Variants in COL4A3 observed in about 807,000 individuals in gnomAD.
The protein encoded by COL4A3 is collagen type IV alpha 3 chain, also known as collagen alpha-3(IV) chain.
Under a neutral mutation model 217.4 loss-of-function variants are expected in COL4A3, and 135 were observed. The ratio of observed to expected loss-of-function variants is 0.62; its 90% CI spans 0.54 to 0.72. The LOEUF is 0.72. Among genes scored for constraint, COL4A3 ranks in the 30% least tolerant of loss-of-function variants. COL4A3 has a pLI of 0.00. For synonymous variants in COL4A3, 690 were observed against 736.3 expected, an observed-to-expected ratio of 0.94 and a Z score of 1.02; for missense variants, 1,868 against 2,119.9, an observed-to-expected ratio of 0.88 and a Z score of 2.33.
rs2125934511 is a variant in COL4A3 at position 227,254,119 on chromosome 2, A to AG, written c.778dup (p.Glu260GlyfsTer27). 1 of 1,613,866 alleles carries AG rather than the reference A, an allele frequency of 6.2e-7. No homozygotes were observed. Among genetic ancestry groups the AG allele is most frequent in the Non-Finnish European group, 8.5e-7 (1 of 1,179,820 alleles). On this transcript the variant is annotated frameshift_variant, in exon 14 of 52. Coordinates refer to ENST00000396578, the MANE Select transcript of COL4A3 (RefSeq NM_000091.5). LOFTEE classifies it high-confidence loss of function. ...GAACTGTTTCTTTGGCAGGACCTCA[A>AG]GGGGGAAAAGGGAGACAAGGGAGCA... is the stretch of plus-strand genomic sequence containing the variant.
intron 1 of COL4A3, among the ~76,000 whole-genome samples, chr2:227,200,842 CATGTTCAATTACAATGAA>C (rs1383663887): frequency 1.3e-5 from 2 of 152,176 alleles, no homozygotes; most frequent in African/African-American, 2.4e-5. Flanking sequence ...TGAACAATTA[CATGTTCAATTACAATGAA>C]ATGTTCAATT....
rs1026099781 is a variant in COL4A3 at position 227,247,410 on chromosome 2, A to T, written c.442-148A>T. ...AGACAGGACAATATGGTGGGAAGTA[A>T]AAGATTAAGGGAAGACTTTGCTTTG... On this transcript the variant is annotated intron_variant, in intron 7 of 51. Transcript: ENST00000396578. The T allele has an allele frequency of 3.8e-6, 3 of 781,624 alleles. No homozygotes were observed. The African/African-American group carries it at 5.1e-5, about 13-fold the overall frequency. The allele number at this position is 781,624 out of a possible 1,614,324, so 48.4% of individuals were successfully genotyped here. A position where few individuals can be genotyped will look rare whatever the true frequency, so the allele number is the denominator to read the frequency against.
At chr2:227,206,106 C>G (rs2067091163) in intron 1 of COL4A3, among the ~76,000 whole-genome samples, 1 of 151,918 alleles carries the variant, frequency 6.6e-6, no homozygotes, top group Non-Finnish European at 1.5e-5. Flanking sequence ...TGGAGTCTCA[C>G]TCTGTTGCCC....
At chr2:227,262,536 ATTTG>A (rs1698020675) in intron 20 of COL4A3, among the ~76,000 whole-genome samples, 1 of 152,202 alleles carries the variant, frequency 6.6e-6, no homozygotes, top group South Asian at 2.1e-4. Flanking sequence ...ATGTCTTTCC[ATTTG>A]TTTGTGTGCT....
rs1210443645 is a variant in COL4A3, at chr2:227,310,790, T to C, written c.4770T>C (p.Gly1590=). Residue 1590 remains glycine, a synonymous_variant, in exon 51 of 52, where the codon GGT becomes GGC. Transcript: ENST00000396578. ...GFSFIMFTSA[G]SEGTGQALAS... ...AATTGTGGTAGTTCACAAGTGCAGG[T>C]TCTGAGGGCACCGGGCAAGCACTGG... 2 of 1,613,982 alleles carry C rather than the reference T, an allele frequency of 1.2e-6. No individual in the cohort carries two copies. Among genetic ancestry groups the C allele is most frequent in the East Asian group, 4.5e-5 (2 of 44,898 alleles).
At chr2:227,273,243 C>A in intron 26 of COL4A3, 126 bp downstream of exon 26, 1 of 1,009,378 alleles carries the variant, frequency 9.9e-7, no homozygotes, top group Non-Finnish European at 1.5e-6. Flanking sequence ...AATATGTCAA[C>A]TCACAGATAC....
chr2:227,230,351 T>C (rs778466096), intron 1 of COL4A3, among the ~76,000 whole-genome samples: 10 of 152,138 alleles, frequency 6.6e-5, no homozygotes, highest in Admixed American at 1.3e-4. Flanking sequence ...CAGGAGGGGG[T>C]TTAAAAGCCA....
At chr2:227,297,544 T>C in intron 41 of COL4A3, 130 bp from the exon 42 acceptor site, 7 of 813,234 alleles carry the variant, frequency 8.6e-6, no homozygotes, top group Non-Finnish European at 1.4e-5. Flanking sequence ...TTATAAAATA[T>C]ATATTTTAGA....
chr2:227,180,341 A>C (rs1274780600), intron 1 of COL4A3, among the ~76,000 whole-genome samples: 1 of 152,242 alleles, frequency 6.6e-6, no homozygotes, highest in East Asian at 1.9e-4. Context: ...GCAGAAAGGC[A>C]GAAGAATGAG....
intron 37 of COL4A3, 34 bp downstream of exon 37, chr2:227,290,920 G>A: frequency 6.3e-7 from 1 of 1,593,676 alleles, no homozygotes. Context: ...ACATTTTAGT[G>A]GTGGAGTGAG....
rs144036466 is a variant in COL4A3, at chr2:227,248,468, T to C, written c.494T>C (p.Ile165Thr). ...GGTGCTCCTGCTAAAGAAGAAGATA[T>C]AGAACTTGATGCAAAAGGCGACCCC... is the stretch of plus-strand genomic sequence containing the variant. ...QKGAPAKEED[I>T]ELDAKGDPGL... is the part of the protein sequence containing the mutation. The change falls in exon 9 of 52, where the codon ATA (isoleucine) becomes ACA (threonine). Residue 165 changes from isoleucine to threonine, a missense_variant. Physicochemically the swap from Ile to Thr is moderately conservative, Grantham distance 89. Transcript: ENST00000396578. 53 of 1,612,884 alleles carry C rather than the reference T, an allele frequency of 3.3e-5. No homozygotes were observed. The highest frequency in any genetic ancestry group is 2.7e-4 in the African/African-American group (20 of 74,974).
At chr2:227,259,934 A>C in intron 19 of COL4A3, 57 bp downstream of exon 19, 2 of 1,275,934 alleles carry the variant, frequency 1.6e-6, no homozygotes, top group Non-Finnish European at 2.3e-6. Flanking sequence ...CTTTCTTTCA[A>C]GGTAATAAAT....
At chr2:227,209,371 C>A (rs1045675211) in intron 1 of COL4A3, among the ~76,000 whole-genome samples, 5 of 152,312 alleles carry the variant, frequency 3.3e-5, no homozygotes, top group Admixed American at 2.6e-4. Context: ...CAGGCCTGAA[C>A]CTTTTACTTC....
Position 227,256,338 on chromosome 2 carries a change from T to C in COL4A3, c.934-5T>C, listed in dbSNP as rs376068797. 4 of 1,613,446 alleles carry C rather than the reference T, an allele frequency of 2.5e-6. No individual in the cohort carries two copies. The highest frequency in any genetic ancestry group is 3.3e-5 in the Admixed American group (2 of 59,988). ...TGACCCATTTCTTTTTGTTCTTTTC[T>C]TTAGGGAGTCAAGGGCAACAGGGGT... On this transcript the variant is annotated splice_region_variant and splice_polypyrimidine_tract_variant and intron_variant, in intron 16 of 51. Coordinates refer to ENST00000396578, the MANE Select transcript of COL4A3 (RefSeq NM_000091.5).
intron 34 of COL4A3, among the ~76,000 whole-genome samples, chr2:227,288,667 G>T (rs1010108606): frequency 6.6e-6 from 1 of 152,102 alleles, no homozygotes; most frequent in Admixed American, 6.5e-5. Flanking sequence ...AAATGAAGAG[G>T]TATTTAGGCT....
At chr2:227,277,155 T>C (rs1339758848) in intron 27 of COL4A3, among the ~76,000 whole-genome samples, 1 of 151,916 alleles carries the variant, frequency 6.6e-6, no homozygotes, top group East Asian at 1.9e-4. Flanking sequence ...TCGTCTCTAC[T>C]AAAAATACAA....
chr2:227,287,610 A>G (rs1175921717), intron 34 of COL4A3, among the ~76,000 whole-genome samples: 2 of 152,214 alleles, frequency 1.3e-5, no homozygotes, highest in African/African-American at 4.8e-5. Flanking sequence ...AAAGTTGTAA[A>G]ACAAAACAAT....
chr2:227,284,215 C>T lies in COL4A3; in HGVS notation c.2751C>T (p.Ser917=), dbSNP rs2106174616. The T allele has an allele frequency of 3.7e-6, 6 of 1,614,006 alleles. No individual in the cohort carries two copies. The highest frequency in any genetic ancestry group is 5.1e-6 in the Non-Finnish European group (6 of 1,179,978). Residue 917 remains serine (S), a synonymous_variant, in exon 34 of 52, where the codon AGC becomes AGT. Transcript: ENST00000396578. ...GTTGTTACTCCTGTCTGTTAGGGAG[C>T]CCTGGAATTCCAGGAGTAAAGGGCC... ...GNPGTPGQRG[S]PGIPGVKGQR... is the part of the protein sequence containing the mutation.
chr2:227,190,361 A>C (rs1203021707), intron 1 of COL4A3, among the ~76,000 whole-genome samples: 2 of 152,002 alleles, frequency 1.3e-5, no homozygotes, highest in Non-Finnish European at 2.9e-5. Context: ...GCAGATCCTG[A>C]CTCCCTTTTA....
Sources: allele counts gnomAD v4.1 joint callset (sites outside exome capture counted in the v4.1 genomes callset), GRCh38; gene constraint gnomAD v4.1.1; transcripts MANE v1.5; gene names NCBI Gene and HGNC (gene_info 2026-07-23, HGNC 2026-07-21).